RPS6KC1: variants seen among roughly 807,000 people sequenced by gnomAD.
The protein encoded by RPS6KC1 is ribosomal protein S6 kinase C1.
In RPS6KC1, 54 loss-of-function variants were observed where a neutral mutation model predicts 103.8. That is an observed-to-expected ratio of 0.52 (90% CI 0.42 to 0.65). RPS6KC1 has a LOEUF of 0.65. RPS6KC1 is among the 30% of genes least tolerant of loss of function. The pLI is 0.00. For synonymous variants in RPS6KC1, 439 were observed against 438.7 expected (o/e 1.00, Z -0.01); for missense variants, 1,151 against 1,253.8 (o/e 0.92, Z 1.24).
chr1:213,495,488 A>C, the RPS6KC1 span, among the ~76,000 whole-genome samples: 1 of 152,066 alleles, frequency 6.6e-6, no homozygotes, highest in African/African-American at 2.4e-5. Flanking sequence ...TGGCTGGCTA[A>C]TTTTTGTATT....
chr1:213,535,382 C>T, the RPS6KC1 span, among the ~76,000 whole-genome samples: 1 of 152,194 alleles, frequency 6.6e-6, no homozygotes, highest in African/African-American at 2.4e-5. Context: ...CAGAGTAATA[C>T]AGCTTTCATT....
intron 8 of RPS6KC1, among the ~76,000 whole-genome samples, chr1:213,223,338 C>G (rs1385093469): frequency 6.6e-6 from 1 of 152,044 alleles, no homozygotes; most frequent in African/African-American, 2.4e-5. Context: ...GTACCCAATA[C>G]GTAGTATTTT....
At chr1:213,304,945 A>T in the RPS6KC1 span, among the ~76,000 whole-genome samples, 1 of 152,154 alleles carries the variant, frequency 6.6e-6, no homozygotes, top group South Asian at 2.1e-4. Context: ...GTTCTATTAC[A>T]TGGAGGTCCT....
the RPS6KC1 span, among the ~76,000 whole-genome samples, chr1:213,621,714 A>G: frequency 6.6e-6 from 1 of 152,174 alleles, no homozygotes; most frequent in Non-Finnish European, 1.5e-5. Context: ...CAAAGTGAAA[A>G]TGTGGGGCCC....
At chr1:213,109,438 G>A (rs2082805790) in intron 4 of RPS6KC1, among the ~76,000 whole-genome samples, 1 of 152,126 alleles carries the variant, frequency 6.6e-6, no homozygotes, top group South Asian at 2.1e-4. Context: ...TGCCCGGCCC[G>A]ATATTCTGTA....
intron 8 of RPS6KC1, among the ~76,000 whole-genome samples, chr1:213,193,771 G>A (rs914609916): frequency 6.6e-6 from 1 of 152,018 alleles, no homozygotes; most frequent in Non-Finnish European, 1.5e-5. Context: ...TGGGACTATA[G>A]GTGCGCAATA....
the RPS6KC1 span, among the ~76,000 whole-genome samples, chr1:213,489,837 G>A: frequency 1.3e-5 from 2 of 152,228 alleles, no homozygotes; most frequent in Admixed American, 1.3e-4. Flanking sequence ...GAAGTTTGGG[G>A]TTGCTGGAGT....
At chr1:213,195,971 C>G (rs967821888) in intron 8 of RPS6KC1, among the ~76,000 whole-genome samples, 1 of 152,016 alleles carries the variant, frequency 6.6e-6, no homozygotes, top group Non-Finnish European at 1.5e-5. Flanking sequence ...CATATAATGA[C>G]TTCTTTTCCT....
At chr1:213,053,785 A>G (rs2077124401) in intron 1 of RPS6KC1, among the ~76,000 whole-genome samples, 1 of 152,158 alleles carries the variant, frequency 6.6e-6, no homozygotes, top group Admixed American at 6.5e-5. Flanking sequence ...AGCACTGAGT[A>G]TAATTATTTG....
chr1:213,474,665 C>T, the RPS6KC1 span, among the ~76,000 whole-genome samples: 2 of 152,308 alleles, frequency 1.3e-5, no homozygotes, highest in African/African-American at 4.8e-5. Context: ...GTATCTGTGT[C>T]TGCAAATTAC....
chr1:213,643,483 C>T, the RPS6KC1 span, among the ~76,000 whole-genome samples: 1 of 151,296 alleles, frequency 6.6e-6, no homozygotes, highest in African/African-American at 2.4e-5. Flanking sequence ...TTTTTTCATG[C>T]TTATCTGGTA....
At chr1:213,620,513 C>G in the RPS6KC1 span, among the ~76,000 whole-genome samples, 3 of 152,198 alleles carry the variant, frequency 2.0e-5, no homozygotes, top group Non-Finnish European at 2.9e-5. Flanking sequence ...AGGCCCAGAA[C>G]TAGCAAATTT....
chr1:213,291,319 C>T, the RPS6KC1 span, among the ~76,000 whole-genome samples: 4 of 152,268 alleles, frequency 2.6e-5, no homozygotes, highest in Non-Finnish European at 5.9e-5. Flanking sequence ...GAGGAGAAAC[C>T]GCCCCTCTCT....
the RPS6KC1 span, among the ~76,000 whole-genome samples, chr1:213,805,601 A>G: frequency 1.3e-5 from 2 of 152,214 alleles, no homozygotes; most frequent in African/African-American, 4.8e-5. Flanking sequence ...TTTCCACTAC[A>G]TCTGCAGTTA....
intron 3 of RPS6KC1, among the ~76,000 whole-genome samples, chr1:213,097,907 TAG>T (rs1254638320): frequency 6.6e-6 from 1 of 152,186 alleles, no homozygotes; most frequent in Non-Finnish European, 1.5e-5. Context: ...TTCATAGAAT[TAG>T]AGAGTTAGGG....
At chr1:213,275,007 T>C (rs1370566645), downstream of RPS6KC1, among the ~76,000 whole-genome samples, 2 of 151,984 alleles carry the variant, frequency 1.3e-5, no homozygotes, top group African/African-American at 2.4e-5. Flanking sequence ...CCACTTTCTG[T>C]CTCTATGAAT....
At chr1:213,813,583 A>T in the RPS6KC1 span, among the ~76,000 whole-genome samples, 2 of 152,334 alleles carry the variant, frequency 1.3e-5, no homozygotes, top group African/African-American at 4.8e-5. Context: ...AAACACTGCA[A>T]ATTTCCGTTT....
At chr1:213,854,514 T>C in the RPS6KC1 span, among the ~76,000 whole-genome samples, 8 of 65,670 alleles carry the variant, frequency 1.2e-4, no homozygotes, top group South Asian at 6.1e-4. Flanking sequence ...TTCTTTCTCT[T>C]TCTTTCTTTC....
chr1:213,821,677 C>G, the RPS6KC1 span: 5 of 152,360 alleles, frequency 3.3e-5, no homozygotes, highest in African/African-American at 1.2e-4. Flanking sequence ...GCCTTCTCCA[C>G]TGTTTCCCCC....
Sources: allele counts gnomAD v4.1 joint callset (sites outside exome capture counted in the v4.1 genomes callset), GRCh38; gene constraint gnomAD v4.1.1; transcripts MANE v1.5; gene names NCBI Gene and HGNC (gene_info 2026-07-23, HGNC 2026-07-21).